The following CHD9 variants were observed in gnomAD, a reference collection of about 807,000 sequenced individuals.
CHD9 encodes chromodomain helicase DNA binding protein 9, also known as ATP-dependent chromatin remodeler CHD9.
Under a neutral mutation model 316.1 loss-of-function variants are expected in CHD9, and 77 were observed. The ratio of observed to expected loss-of-function variants is 0.24; its 90% confidence interval spans 0.20 to 0.29. The LOEUF (loss-of-function observed/expected upper bound fraction) is 0.29, where lower values mean the gene tolerates loss of function less well. Among genes scored for constraint, CHD9 ranks in the 10% least tolerant of loss-of-function variants. The pLI, the probability that CHD9 is intolerant of heterozygous loss-of-function variation, is 1.00. For missense variants in CHD9, 2,763 were observed against 3,438.1 expected (o/e 0.80, Z 4.91); for synonymous variants, 1,129 against 1,158.3 (o/e 0.97, Z 0.51).
intron 1 of CHD9, among the ~76,000 whole-genome samples, chr16:53,085,236 T>A (rs959659931): frequency 6.6e-5 from 10 of 151,688 alleles, no homozygotes; most frequent in South Asian, 2.1e-4. Context: ...ATCTTTTTTT[T>A]TTTTTTTTTT....
intron 2 of CHD9, among the ~76,000 whole-genome samples, chr16:53,170,736 C>T (rs2042648132): frequency 1.3e-5 from 2 of 151,990 alleles, no homozygotes; most frequent in African/African-American, 4.8e-5. Flanking sequence ...TTAAGTTAAA[C>T]TGATATTGAG....
At chr16:53,128,867 T>C (rs2039089115) in intron 1 of CHD9, among the ~76,000 whole-genome samples, 1 of 151,696 alleles carries the variant, frequency 6.6e-6, no homozygotes, top group South Asian at 2.1e-4. Context: ...AACCTGAGAG[T>C]CTAAGCTAAT....
chr16:53,312,510 A>C (rs1260942148), intron 34 of CHD9, among the ~76,000 whole-genome samples: 2 of 152,116 alleles, frequency 1.3e-5, no homozygotes, highest in Non-Finnish European at 2.9e-5. Context: ...AGCATGAAAC[A>C]GAGACTAGAT....
Position 53,304,308 on chromosome 16 carries a change from A to T in CHD9, c.6302A>T (p.Asp2101Val). ...DQKSGGKCETDRRMVAARTEP... is the reference protein window; with the variant it reads ...DQKSGGKCETVRRMVAARTEP... ...AAATCTGGTGGAAAATGTGAAACAG[A>T]CAGACGCATGGTTGCAGCCAGAACA... Residue 2101 changes from aspartate to valine, a missense_variant, in exon 31 of 39, where the codon GAC becomes GTC. Asp to Val is a radical substitution (Grantham distance 152). This residue lies in a region of CHD9 where 663 missense variants were observed against 751.2 expected (regional missense o/e 0.88). Coordinates refer to ENST00000447540, the MANE Select transcript of CHD9 (RefSeq NM_001308319.2). 2 of 1,612,194 alleles carry T rather than the reference A, an allele frequency of 1.2e-6. No individual in the cohort carries two copies. Among genetic ancestry groups the T allele is most frequent in the Non-Finnish European group, 1.7e-6 (2 of 1,179,824 alleles).
chr16:53,216,786 G>T lies in CHD9; in HGVS notation c.1785-5858G>T, dbSNP rs375905389. On this transcript the variant is annotated intron_variant, in intron 3 of 38. Transcript: ENST00000447540. ...CTGGTAGAGCACCAGAACTCTTAGGGAATATTTTAAAAGTCATATTAGAGT... is the reference window on the plus strand; with the variant it reads ...CTGGTAGAGCACCAGAACTCTTAGGTAATATTTTAAAAGTCATATTAGAGT... 2.3e-3 allele frequency among the ~76,000 whole-genome samples: 355 copies of T among 152,290 alleles called. 1 individual carries two copies. The highest frequency in any genetic ancestry group is 8.0e-3 in the African/African-American group (332 of 41,568).
At chr16:53,155,050 T>C (rs2041411334) in intron 1 of CHD9, among the ~76,000 whole-genome samples, 1 of 152,176 alleles carries the variant, frequency 6.6e-6, no homozygotes, top group South Asian at 2.1e-4. Context: ...TATTTTAACA[T>C]TGTTATAAGT....
chr16:53,282,206 A>T (rs2053478097), intron 24 of CHD9, among the ~76,000 whole-genome samples: 1 of 152,096 alleles, frequency 6.6e-6, no homozygotes, highest in South Asian at 2.1e-4. Context: ...ACCTTAACTT[A>T]CACATACACA....
chr16:53,147,878 T>C (rs933449079), intron 1 of CHD9, among the ~76,000 whole-genome samples: 2 of 152,118 alleles, frequency 1.3e-5, no homozygotes, highest in African/African-American at 4.8e-5. Context: ...TGCTGGGTCA[T>C]AAGGTAATTC....
Position 53,324,729 on chromosome 16 carries a change from A to G in CHD9, c.8528A>G (p.Lys2843Arg), listed in dbSNP as rs1256809905. 1 of 1,613,474 alleles carries G rather than the reference A, an allele frequency of 6.2e-7. No individual in the cohort carries two copies. Among genetic ancestry groups the G allele is most frequent in the South Asian group, 1.1e-5 (1 of 90,942 alleles). ...DLGSSKSVEV[K>R]EEDSRIKDQE... ...GGCTCGTCTAAGTCTGTAGAAGTAA[A>G]AGAAGAAGATTCCAGAATTAAAGAT... is the stretch of plus-strand genomic sequence containing the variant. The change falls in exon 39 of 39, where the codon AAA (lysine) becomes AGA (arginine). Residue 2843 changes from lysine (K) to arginine (R), a missense_variant. By Grantham distance (26) the Lys-to-Arg change is conservative. Around this residue, in one of 15 missense-constraint regions of CHD9, gnomAD observed 298 missense variants for 380.2 expected, o/e 0.78. Transcript: ENST00000447540.
intron 1 of CHD9, among the ~76,000 whole-genome samples, chr16:53,149,961 G>GT (rs2040962524): frequency 1.3e-5 from 2 of 151,608 alleles, no homozygotes; most frequent in South Asian, 4.2e-4. Flanking sequence ...TTCATTTCTT[G>GT]TTTTTTATCC....
chr16:53,272,263 C>G (rs2052348387), intron 22 of CHD9, among the ~76,000 whole-genome samples: 1 of 151,316 alleles, frequency 6.6e-6, no homozygotes, highest in Non-Finnish European at 1.5e-5. Flanking sequence ...GGGACACTAC[C>G]TAATAATTAA....
intron 1 of CHD9, among the ~76,000 whole-genome samples, chr16:53,063,206 C>G (rs1038008219): frequency 6.6e-6 from 1 of 151,932 alleles, no homozygotes; most frequent in African/African-American, 2.4e-5. Flanking sequence ...GACTCTTTGC[C>G]CCATGTTACT....
chr16:53,216,504 A>G (rs2046773471), intron 3 of CHD9, among the ~76,000 whole-genome samples: 1 of 152,124 alleles, frequency 6.6e-6, no homozygotes. Flanking sequence ...AAAATCAATA[A>G]GGTATGTTGG....
chr16:53,320,170 TA>T (rs1567687259), intron 37 of CHD9, among the ~76,000 whole-genome samples: 3 of 131,096 alleles, frequency 2.3e-5, no homozygotes, highest in Non-Finnish European at 4.9e-5. Flanking sequence ...AGTGAGACCT[TA>T]AAAAAAAGTG....
intron 13 of CHD9, among the ~76,000 whole-genome samples, chr16:53,244,237 G>A (rs2049363988): frequency 7.0e-6 from 1 of 143,698 alleles, no homozygotes; most frequent in Non-Finnish European, 1.5e-5. Flanking sequence ...CTGTTGCCCA[G>A]GCTGGAGTGC....
chr16:53,153,073 G>A (rs978829885), intron 1 of CHD9, among the ~76,000 whole-genome samples: 2 of 152,202 alleles, frequency 1.3e-5, no homozygotes, highest in Non-Finnish European at 2.9e-5. Flanking sequence ...GGTAGTGTTA[G>A]ATGAGACGTG....
At position 53,135,146 on chromosome 16, in the gene CHD9, G is replaced by C. The variant is rs188895546; in HGVS notation, c.-164-20780G>C. Reference sequence around the variant, plus strand: ...AATATGTTTGAAGGCTATGACACAGGAAAGAACTTAATATTTGAAAGAAAT... The same window carrying C: ...AATATGTTTGAAGGCTATGACACAGCAAAGAACTTAATATTTGAAAGAAAT... On this transcript the variant is annotated intron_variant, in intron 1 of 38. Coordinates refer to ENST00000447540, the MANE Select transcript of CHD9 (RefSeq NM_001308319.2). Among the ~76,000 whole-genome samples, 252 of 152,220 alleles carry C rather than the reference G, an allele frequency of 1.7e-3. 1 individual carries two copies. The highest frequency in any genetic ancestry group is 3.4e-3 in the Middle Eastern group (1 of 294).
chr16:53,264,120 T>G (rs913310550), intron 20 of CHD9, among the ~76,000 whole-genome samples: 4 of 152,124 alleles, frequency 2.6e-5, no homozygotes, highest in Admixed American at 1.3e-4. Context: ...GGTTGGGAGA[T>G]GTGTCCATTG....
At chr16:53,247,674 C>A in intron 16 of CHD9, 171 bp downstream of exon 16, 1 of 583,530 alleles carries the variant, frequency 1.7e-6, no homozygotes, top group Non-Finnish European at 3.0e-6. Flanking sequence ...ATTTTCCTAA[C>A]CTGCATATGT....
Sources: allele counts gnomAD v4.1 joint callset (sites outside exome capture counted in the v4.1 genomes callset), GRCh38; gene constraint gnomAD v4.1.1; regional missense constraint gnomAD v4.1.1; transcripts MANE v1.5; gene names NCBI Gene and HGNC (gene_info 2026-07-23, HGNC 2026-07-21).